The following CDK14 variants were observed in gnomAD, a reference collection of about 807,000 sequenced individuals.
CDK14 encodes the protein cyclin-dependent kinase 14.
Under a neutral mutation model 60.7 loss-of-function variants are expected in CDK14, and 34 were observed. The observed-to-expected ratio is 0.56, with a 90% CI of 0.43 to 0.75. The LOEUF is 0.75. Ranked by LOEUF, CDK14 falls within the 30% of genes least tolerant of loss-of-function variation. The pLI is 0.00. For synonymous variants in CDK14, 197 were observed against 203.7 expected, an observed-to-expected ratio of 0.97 and a Z score of 0.28; for missense variants, 482 against 564.1, an observed-to-expected ratio of 0.85 and a Z score of 1.47.
intron 9 of CDK14, among the ~76,000 whole-genome samples, chr7:90,965,772 A>T (rs114103016): frequency 6.6e-6 from 1 of 152,226 alleles, no homozygotes; most frequent in Non-Finnish European, 1.5e-5. Flanking sequence ...GGCTAACTGT[A>T]TATCATTAAT....
At position 90,710,091 on chromosome 7, in the gene CDK14, A is replaced by G. The variant is rs1028515073; in HGVS notation, c.124-16476A>G. ...CATGTCATTTTACTCACTTCCTTCT[A>G]TTTAACTGCCAGAAACATCACAGAT... On this transcript the variant is annotated intron_variant, in intron 2 of 14. Coordinates refer to ENST00000380050, the MANE Select transcript of CDK14 (RefSeq NM_001287135.2). The G allele has an allele frequency of 4.5e-5, 43 of 956,510 alleles. No homozygotes were observed. The East Asian group carries it at 4.6e-4, about 10-fold the overall frequency. 59.3% of individuals were successfully genotyped at this position (956,510 alleles called of 1,614,324 possible). A position where few individuals can be genotyped will look rare whatever the true frequency, so the allele number is the denominator to read the frequency against.
At chr7:90,857,775 G>T (rs887078081) in intron 5 of CDK14, among the ~76,000 whole-genome samples, 5 of 152,182 alleles carry the variant, frequency 3.3e-5, no homozygotes, top group Admixed American at 2.0e-4. Flanking sequence ...GCAGCTAGGA[G>T]ACTCCCTTGC....
Position 91,118,125 on chromosome 7 carries a change from G to C in CDK14, c.1355G>C (p.Arg452Pro). 6.2e-7 allele frequency: 1 copy of C among 1,613,518 alleles called. No homozygotes were observed. The highest frequency in any genetic ancestry group is 1.7e-5 in the Admixed American group (1 of 59,982). The part of the protein sequence containing the change: ...RLQPEAGESM[R>P]AFGKNNSYGK... Reference sequence around the variant, plus strand: ...CAACCAGAAGCTGGAGAAAGCATGCGGGCCTTTGGGAAAAACAATAGTTAT... The same window carrying C: ...CAACCAGAAGCTGGAGAAAGCATGCCGGCCTTTGGGAAAAACAATAGTTAT... Residue 452 changes from arginine (R) to proline (P), a missense_variant, in exon 14 of 15, where the codon CGG becomes CCG. Physicochemically the swap from Arg to Pro is moderately radical, Grantham distance 103. Coordinates refer to ENST00000380050, the MANE Select transcript of CDK14 (RefSeq NM_001287135.2).
At chr7:90,781,866 G>T (rs1805339303) in intron 4 of CDK14, among the ~76,000 whole-genome samples, 1 of 152,136 alleles carries the variant, frequency 6.6e-6, no homozygotes, top group Non-Finnish European at 1.5e-5. Flanking sequence ...CTCCAGCTTT[G>T]TTCTTTTGTC....
intron 6 of CDK14, among the ~76,000 whole-genome samples, chr7:90,884,647 A>C (rs774637657): frequency 6.6e-6 from 1 of 152,210 alleles, no homozygotes; most frequent in Non-Finnish European, 1.5e-5. Flanking sequence ...AGCAAAAAGA[A>C]CAAAGCTGGA....
chr7:91,054,550 C>T (rs913256666), intron 11 of CDK14, among the ~76,000 whole-genome samples: 43 of 152,284 alleles, frequency 2.8e-4, no homozygotes, highest in African/African-American at 1.0e-3. Flanking sequence ...GGGCAGACTG[C>T]ACTTTCTGGT....
At chr7:90,700,994 T>G (rs1265629972) in intron 2 of CDK14, among the ~76,000 whole-genome samples, 1 of 152,222 alleles carries the variant, frequency 6.6e-6, no homozygotes, top group African/African-American at 2.4e-5. Flanking sequence ...AAAATGTAGT[T>G]TACTTTACAA....
At chr7:90,811,314 A>T (rs1344540178) in intron 5 of CDK14, among the ~76,000 whole-genome samples, 1 of 151,862 alleles carries the variant, frequency 6.6e-6, no homozygotes, top group African/African-American at 2.4e-5. Flanking sequence ...ATAACGCCGC[A>T]TATCTACAAC....
chr7:91,180,420 G>T (rs1801963360), intron 14 of CDK14, among the ~76,000 whole-genome samples: 1 of 152,092 alleles, frequency 6.6e-6, no homozygotes, highest in South Asian at 2.1e-4. Flanking sequence ...AAAAAAGCAG[G>T]TTGCAAAACA....
intron 7 of CDK14, among the ~76,000 whole-genome samples, chr7:90,901,705 T>C (rs983701323): frequency 3.7e-5 from 5 of 135,662 alleles, no homozygotes; most frequent in East Asian, 2.3e-4. Context: ...CACACACACA[T>C]ATATATTCTC....
At chr7:90,914,341 G>T (rs1195525089) in intron 7 of CDK14, among the ~76,000 whole-genome samples, 1 of 152,100 alleles carries the variant, frequency 6.6e-6, no homozygotes, top group Admixed American at 6.5e-5. Flanking sequence ...CCTTTTCTGT[G>T]CTTTCAGTAT....
At chr7:90,622,923 CTTT>C (rs1245736325) in intron 2 of CDK14, among the ~76,000 whole-genome samples, 8 of 130,300 alleles carry the variant, frequency 6.1e-5, no homozygotes, top group Non-Finnish European at 9.8e-5. Context: ...CTTTTTTTTT[CTTT>C]TTTTTTTTTT....
chr7:90,847,481 C>T (rs1353777235), intron 5 of CDK14, among the ~76,000 whole-genome samples: 1 of 151,890 alleles, frequency 6.6e-6, no homozygotes, highest in African/African-American at 2.4e-5. Flanking sequence ...AGTAAACCAC[C>T]AATCTACCCA....
rs150167488 is a variant in CDK14 at position 91,196,638 on chromosome 7, A to T, written c.*29-10527A>T. ...GGCATGGGTGAATTTAAGTAGATGG[A>T]TTTTTTCTGAATTGTGGTGGGGAAC... On this transcript the variant is annotated intron_variant, in intron 14 of 14. Coordinates refer to ENST00000380050, the MANE Select transcript of CDK14 (RefSeq NM_001287135.2). Among the ~76,000 whole-genome samples, 40 of 152,292 alleles carry T rather than the reference A, an allele frequency of 2.6e-4. No individual in the cohort carries two copies. The East Asian group carries it at 7.5e-3, about 29-fold the overall frequency.
rs979043932 is a variant in CDK14 at position 90,881,114 on chromosome 7, G to T, written c.639+17845G>T. 4.6e-5 allele frequency among the ~76,000 whole-genome samples: 7 copies of T among 152,202 alleles called. No individual in the cohort carries two copies. The South Asian group carries it at 6.2e-4, about 13-fold the overall frequency. The stretch of plus-strand genomic sequence containing the variant: ...CAAATGGATGAATTGACAGAAGTAG[G>T]CTTCAGAAGATGGGTAATATAAAAC... On this transcript the variant is annotated intron_variant, in intron 6 of 14. Coordinates refer to ENST00000380050, the MANE Select transcript of CDK14 (RefSeq NM_001287135.2).
At chr7:90,606,838 G>A (rs1217113632) in intron 2 of CDK14, among the ~76,000 whole-genome samples, 1 of 152,172 alleles carries the variant, frequency 6.6e-6, no homozygotes, top group African/African-American at 2.4e-5. Context: ...ATTCTCATCT[G>A]CCACTTTCTA....
rs936207308 is a variant in CDK14, at chr7:90,669,620, T to C, written c.124-56947T>C. On this transcript the variant is annotated intron_variant, in intron 2 of 14. Transcript: ENST00000380050. ...CAAGAGATGGAGAGAGACAGATTCT[T>C]AACTATCAATTAAACAGCTGGATCT... is the stretch of plus-strand genomic sequence containing the variant. Among the ~76,000 whole-genome samples, 3 of 152,326 alleles carry C rather than the reference T, an allele frequency of 2.0e-5. No homozygotes were observed. In the East Asian group the frequency reaches 5.8e-4, roughly 29 times the overall value.
At position 90,827,033 on chromosome 7, in the gene CDK14, A is replaced by C. The variant is rs569092921; in HGVS notation, c.545-36142A>C. Among the ~76,000 whole-genome samples, 5 of 152,174 alleles carry C rather than the reference A, an allele frequency of 3.3e-5. No individual in the cohort carries two copies. In the East Asian group the frequency reaches 9.7e-4, roughly 29 times the overall value. ...AATATCTGCATGATATTACAGTATC[A>C]TGCAGAATACTTTCATTGCTGCCCA... is the stretch of plus-strand genomic sequence containing the variant. On this transcript the variant is annotated intron_variant, in intron 5 of 14. Coordinates refer to ENST00000380050, the MANE Select transcript of CDK14 (RefSeq NM_001287135.2).
intron 5 of CDK14, among the ~76,000 whole-genome samples, chr7:90,861,090 CTCT>C (rs1562801972): frequency 6.6e-6 from 1 of 152,096 alleles, no homozygotes; most frequent in Non-Finnish European, 1.5e-5. Flanking sequence ...TGGCAGCAGG[CTCT>C]TCTTATTCAG....
Sources: allele counts gnomAD v4.1 joint callset (sites outside exome capture counted in the v4.1 genomes callset), GRCh38; gene constraint gnomAD v4.1.1; transcripts MANE v1.5; gene names NCBI Gene and HGNC (gene_info 2026-07-23, HGNC 2026-07-21).